The following PRDM5 variants were observed in gnomAD, a reference collection of about 807,000 sequenced individuals.
PRDM5 encodes the protein PR/SET domain 5.
Under a neutral mutation model 81.2 loss-of-function variants are expected in PRDM5, and 56 were observed. That is an observed-to-expected ratio of 0.69 (90% confidence interval 0.56 to 0.86). PRDM5 has a LOEUF of 0.86. PRDM5 is among the 40% of genes least tolerant of loss of function. The pLI is 0.00. For missense variants in PRDM5, 697 were observed against 770.1 expected (o/e 0.91, Z 1.12); for synonymous variants, 267 against 256.4 (o/e 1.04, Z -0.39).
intron 14 of PRDM5, among the ~76,000 whole-genome samples, chr4:120,751,260 A>G (rs1039484843): frequency 6.6e-6 from 1 of 152,218 alleles, no homozygotes; most frequent in African/African-American, 2.4e-5. Flanking sequence ...GATGAAAAAC[A>G]TAATATCAAA....
At chr4:120,815,634 C>T (rs1411381933) in intron 7 of PRDM5, among the ~76,000 whole-genome samples, 2 of 152,148 alleles carry the variant, frequency 1.3e-5, no homozygotes, top group African/African-American at 4.8e-5. Flanking sequence ...AATCCACTTT[C>T]CCCCACATCC....
intron 14 of PRDM5, among the ~76,000 whole-genome samples, chr4:120,747,391 A>C (rs1159015255): frequency 6.6e-6 from 1 of 152,004 alleles, no homozygotes; most frequent in Non-Finnish European, 1.5e-5. Flanking sequence ...ATATGTAACT[A>C]ACTTGCACAA....
Position 120,907,562 on chromosome 4 carries a change from G to A in PRDM5, c.94-5C>T, listed in dbSNP as rs749900992. 3.1e-6 allele frequency: 5 copies of A among 1,599,810 alleles called. No individual in the cohort carries two copies. In the African/African-American group the frequency reaches 6.7e-5, roughly 21 times the overall value. On this transcript the variant is annotated splice_region_variant and splice_polypyrimidine_tract_variant and intron_variant, in intron 1 of 15. Coordinates refer to ENST00000264808, the MANE Select transcript of PRDM5 (RefSeq NM_018699.4). ...AAAGGGTCCGAACTTTTCACCCTGA[G>A]TAGCAATGATTATATTGAACAAGGA...
intron 15 of PRDM5, among the ~76,000 whole-genome samples, chr4:120,707,742 G>T (rs1736409203): frequency 6.6e-6 from 1 of 151,862 alleles, no homozygotes; most frequent in African/African-American, 2.4e-5. Context: ...AAAGTGAAAA[G>T]AAAACCTACA....
intron 9 of PRDM5, 110 bp downstream of exon 9, chr4:120,799,551 G>A (rs1005598108): frequency 6.7e-7 from 1 of 1,487,280 alleles, no homozygotes. Context: ...AAGGTCCAAA[G>A]CAGAATTCAT....
intron 2 of PRDM5, among the ~76,000 whole-genome samples, chr4:120,897,327 G>A (rs1211539718): frequency 1.3e-5 from 2 of 150,926 alleles, no homozygotes; most frequent in Non-Finnish European, 3.0e-5. Flanking sequence ...TAATTTTTCT[G>A]TTAAAAATCA....
chr4:120,745,317 C>A (rs1356568815), intron 14 of PRDM5, among the ~76,000 whole-genome samples: 6 of 120,198 alleles, frequency 5.0e-5, no homozygotes, highest in African/African-American at 2.1e-4. Flanking sequence ...AAACCCACAG[C>A]CAATATCATA....
At chr4:120,709,124 A>G (rs75537647) in intron 15 of PRDM5, among the ~76,000 whole-genome samples, 2,663 of 152,276 alleles carry the variant, frequency 0.017, 78 homozygotes, top group African/African-American at 0.061. Flanking sequence ...CATTCAGCAT[A>G]GATAAAAGGA....
At chr4:120,894,238 C>T (rs868305435) in intron 2 of PRDM5, among the ~76,000 whole-genome samples, 1 of 152,142 alleles carries the variant, frequency 6.6e-6, no homozygotes, top group Non-Finnish European at 1.5e-5. Context: ...AATTTACTTA[C>T]TAGAAACCCG....
In PRDM5 at chr4:120,774,902, A is replaced by ATGTATG. The variant is rs1553963975; in HGVS notation, c.1537+2285_1537+2286insCATACA. On this transcript the variant is annotated intron_variant, in intron 13 of 15. Coordinates refer to ENST00000264808, the MANE Select transcript of PRDM5 (RefSeq NM_018699.4). Reference sequence around the variant, plus strand: ...TCTCTCTCTTTCTATATATATATATATATATGTATATGTATATGTATATAT... The same window carrying ATGTATG: ...TCTCTCTCTTTCTATATATATATATATGTATGTATATGTATATGTATATGTATATAT... Among the ~76,000 whole-genome samples, 621 of 146,052 alleles carry ATGTATG rather than the reference A, an allele frequency of 4.3e-3. 2 individuals are homozygous for ATGTATG. The highest frequency in any genetic ancestry group is 0.011 in the Middle Eastern group (3 of 276).
intron 2 of PRDM5, among the ~76,000 whole-genome samples, chr4:120,855,486 C>T (rs1759769822): frequency 6.6e-6 from 1 of 152,170 alleles, no homozygotes; most frequent in African/African-American, 2.4e-5. Flanking sequence ...TACACTTCGA[C>T]TCAGAACACT....
At chr4:120,920,316 A>C (rs975395416) in intron 1 of PRDM5, among the ~76,000 whole-genome samples, 2 of 152,272 alleles carry the variant, frequency 1.3e-5, no homozygotes, top group African/African-American at 4.8e-5. Context: ...TGTAATTTCC[A>C]ACACATGTAT....
intron 14 of PRDM5, among the ~76,000 whole-genome samples, chr4:120,749,017 G>C (rs1003900973): frequency 5.3e-5 from 8 of 152,082 alleles, no homozygotes; most frequent in African/African-American, 1.2e-4. Flanking sequence ...AGTGGGAAAA[G>C]TTATCCTCAA....
intron 13 of PRDM5, among the ~76,000 whole-genome samples, chr4:120,776,676 T>C (rs748165697): frequency 1.3e-5 from 2 of 152,158 alleles, no homozygotes; most frequent in Non-Finnish European, 2.9e-5. Context: ...TTTCTTTCAT[T>C]GGAGAAATTA....
chr4:120,853,320 A>C, intron 3 of PRDM5, 98 bp downstream of exon 3: 12 of 1,538,814 alleles, frequency 7.8e-6, no homozygotes, highest in Non-Finnish European at 1.1e-5. Context: ...TATTTGAAGG[A>C]GGTCATTGGG....
chr4:120,854,926 C>T (rs1260585652), intron 2 of PRDM5, among the ~76,000 whole-genome samples: 1 of 151,860 alleles, frequency 6.6e-6, no homozygotes, highest in East Asian at 1.9e-4. Context: ...GAATTAGGTG[C>T]ATTCAAAGAA....
chr4:120,863,213 CACACACACACACAT>C (rs2148507530), intron 2 of PRDM5, among the ~76,000 whole-genome samples: 1 of 141,346 alleles, frequency 7.1e-6, no homozygotes, highest in East Asian at 2.0e-4. Context: ...CACACACACA[CACACACACACACAT>C]ATATATGTAT....
At chr4:120,724,869 C>T (rs547002663) in intron 14 of PRDM5, among the ~76,000 whole-genome samples, 13 of 152,204 alleles carry the variant, frequency 8.5e-5, no homozygotes, top group East Asian at 1.9e-4. Context: ...CATCAAGGAG[C>T]GGGCAGAAGT....
At chr4:120,736,973 C>A (rs1210037071) in intron 14 of PRDM5, among the ~76,000 whole-genome samples, 2 of 152,134 alleles carry the variant, frequency 1.3e-5, no homozygotes, top group Admixed American at 6.5e-5. Context: ...CATTTTCATT[C>A]ATTTCCATCC....
Sources: gnomAD v4.1 joint callset for allele counts (sites outside exome capture counted in the v4.1 genomes callset) on GRCh38, gnomAD v4.1.1 for gene constraint, MANE v1.5 for transcripts, NCBI Gene and HGNC (gene_info 2026-07-23, HGNC 2026-07-21) for gene names.